DPP6: variants seen among roughly 807,000 people sequenced by gnomAD.
The protein encoded by DPP6 is dipeptidyl peptidase like 6, also known as A-type potassium channel modulatory protein DPP6.
Under a neutral mutation model 122.6 loss-of-function variants are expected in DPP6, and 69 were observed. That is an observed-to-expected ratio of 0.56 (90% CI 0.46 to 0.69). The LOEUF (loss-of-function observed/expected upper bound fraction) is 0.69. DPP6 is among the 30% of genes least tolerant of loss of function. The pLI, the probability that DPP6 is intolerant of heterozygous loss-of-function variation, is 0.00. For synonymous variants in DPP6, 418 were observed against 433.1 expected (o/e 0.97, Z 0.43); for missense variants, 928 against 1,116.9 (o/e 0.83, Z 2.41).
At chr7:153,871,272 G>T in the DPP6 span, among the ~76,000 whole-genome samples, 4 of 152,342 alleles carry the variant, frequency 2.6e-5, no homozygotes, top group African/African-American at 7.2e-5. Context: ...AGGCAGGCAG[G>T]CCTCCTTGAG....
At chr7:154,400,451 T>A (rs528450353) in intron 1 of DPP6, among the ~76,000 whole-genome samples, 1 of 152,334 alleles carries the variant, frequency 6.6e-6, no homozygotes, top group South Asian at 2.1e-4. Context: ...ATCTCTGAAA[T>A]TATGATCATG....
At chr7:154,087,117 C>G (rs561611446) in intron 1 of DPP6, among the ~76,000 whole-genome samples, 2 of 151,398 alleles carry the variant, frequency 1.3e-5, no homozygotes. Flanking sequence ...TAGGTGCTCA[C>G]TAGTTTGGAA....
the DPP6 span, among the ~76,000 whole-genome samples, chr7:153,832,240 CA>C: frequency 6.6e-6 from 1 of 152,196 alleles, no homozygotes; most frequent in Non-Finnish European, 1.5e-5. Context: ...TTACCAACCA[CA>C]TACATGTTTA....
chr7:154,159,904 T>A, intron 1 of DPP6, among the ~76,000 whole-genome samples: 1 of 151,292 alleles, frequency 6.6e-6, no homozygotes, highest in East Asian at 1.9e-4. Context: ...AGCCCAGGAG[T>A]TCCAGCCCAG....
At chr7:154,677,929 T>G (rs1839018875) in intron 7 of DPP6, among the ~76,000 whole-genome samples, 2 of 152,180 alleles carry the variant, frequency 1.3e-5, no homozygotes, top group Non-Finnish European at 2.9e-5. Context: ...TGGAGAACTT[T>G]TCTGTCTAGC....
intron 16 of DPP6, among the ~76,000 whole-genome samples, chr7:154,836,974 T>C (rs896771048): frequency 6.6e-6 from 1 of 152,214 alleles, no homozygotes; most frequent in Admixed American, 6.5e-5. Context: ...CCCAAAGTGC[T>C]GGGATTACAG....
chr7:154,712,720 A>G (rs565580631), intron 7 of DPP6, among the ~76,000 whole-genome samples: 71 of 152,346 alleles, frequency 4.7e-4, no homozygotes, highest in Non-Finnish European at 8.5e-4. Flanking sequence ...AAAACACCCC[A>G]TGATTCAATT....
At chr7:154,748,311 T>C (rs1445259182) in intron 8 of DPP6, among the ~76,000 whole-genome samples, 1 of 152,150 alleles carries the variant, frequency 6.6e-6, no homozygotes, top group African/African-American at 2.4e-5. Flanking sequence ...ATGTCTTCAT[T>C]TGGAACTTGG....
intron 5 of DPP6, chr7:154,588,197 G>T (rs1832595251): frequency 2.7e-6 from 4 of 1,481,442 alleles, no homozygotes; most frequent in East Asian, 2.4e-5. Flanking sequence ...CCTGGTCACT[G>T]GGTGCCCGCA....
rs539779443 is a variant in DPP6 at position 154,465,850 on chromosome 7, T to C, written c.359-9089T>C. ...AATACCATTTGACCCAGCCATCCCA[T>C]TACTGGGTATATACCCAAAGGGTTA... On this transcript the variant is annotated intron_variant, in intron 2 of 25. Transcript: ENST00000377770. 3.9e-5 allele frequency among the ~76,000 whole-genome samples: 6 copies of C among 152,320 alleles called. No individual in the cohort carries two copies. The East Asian group carries it at 9.6e-4, about 24-fold the overall frequency.
chr7:153,935,794 A>G (rs1405824707), intron 1 of DPP6, among the ~76,000 whole-genome samples: 2 of 152,138 alleles, frequency 1.3e-5, no homozygotes, highest in Non-Finnish European at 2.9e-5. Flanking sequence ...CCAAGCTTCC[A>G]GTCAAAGTCG....
At chr7:154,795,581 G>A (rs1374482764) in intron 11 of DPP6, among the ~76,000 whole-genome samples, 1 of 152,080 alleles carries the variant, frequency 6.6e-6, no homozygotes, top group Non-Finnish European at 1.5e-5. Context: ...TTCCACCACG[G>A]GTTTGTCCTT....
At chr7:154,007,772 A>T (rs1190304545) in intron 1 of DPP6, among the ~76,000 whole-genome samples, 3 of 152,070 alleles carry the variant, frequency 2.0e-5, no homozygotes, top group Non-Finnish European at 4.4e-5. Context: ...TGGTGTCCAC[A>T]GGGGGTTCTG....
intron 1 of DPP6, among the ~76,000 whole-genome samples, chr7:153,932,123 C>CT (rs11342253): frequency 0.033 from 4,500 of 135,652 alleles, 115 homozygotes; most frequent in African/African-American, 0.064. Context: ...CATTTTGTGC[C>CT]TTTTTTTTTT....
the DPP6 span, among the ~76,000 whole-genome samples, chr7:153,809,238 T>A: frequency 6.6e-6 from 1 of 152,070 alleles, no homozygotes; most frequent in African/African-American, 2.4e-5. Flanking sequence ...ATTGTTTTAC[T>A]TGGGTTATTT....
chr7:154,575,375 ATGTG>A (rs1195467611), intron 5 of DPP6, among the ~76,000 whole-genome samples: 3 of 34,776 alleles, frequency 8.6e-5, no homozygotes, highest in African/African-American at 2.2e-4. Context: ...ATGTGTGTGT[ATGTG>A]TGTGATGTGT....
chr7:154,147,648 TTGTGTGTG>T (rs370147218), intron 1 of DPP6, among the ~76,000 whole-genome samples: 578 of 146,466 alleles, frequency 3.9e-3, no homozygotes, highest in African/African-American at 0.012. Flanking sequence ...CCCAGCTAAT[TTGTGTGTG>T]TGTGTGTGTG....
intron 1 of DPP6, among the ~76,000 whole-genome samples, chr7:154,032,565 C>T (rs1323227260): frequency 6.6e-6 from 1 of 152,148 alleles, no homozygotes; most frequent in Non-Finnish European, 1.5e-5. Flanking sequence ...GTTTTAAATA[C>T]ATTGTGAATC....
intron 1 of DPP6, among the ~76,000 whole-genome samples, chr7:154,079,062 T>C (rs1803796369): frequency 6.6e-6 from 1 of 151,154 alleles, no homozygotes. Flanking sequence ...ATGGAGACCA[T>C]CCTGGCCAAC....
Sources: gnomAD v4.1 joint callset for allele counts (sites outside exome capture counted in the v4.1 genomes callset) on GRCh38, gnomAD v4.1.1 for gene constraint, MANE v1.5 for transcripts, NCBI Gene and HGNC (gene_info 2026-07-23, HGNC 2026-07-21) for gene names.